Variants in RHEX observed in about 807,000 individuals in gnomAD.
The protein encoded by RHEX is regulator of hemoglobinization and erythroid cell expansion protein.
In RHEX, 18 loss-of-function variants were observed where a neutral mutation model predicts 20.1. The observed-to-expected ratio is 0.90, with a 90% CI of 0.62 to 1.33. The LOEUF (loss-of-function observed/expected upper bound fraction) is 1.33, where lower values mean the gene tolerates loss of function less well. RHEX is among the 40% of genes most tolerant of loss of function. The probability of loss-of-function intolerance (pLI) is 0.00; values close to 1 mark genes in which losing one functional copy is unlikely to be tolerated. For synonymous variants in RHEX, 87 were observed against 77.1 expected (o/e 1.13, Z -0.67); for missense variants, 192 against 214.3 (o/e 0.90, Z 0.65).
rs782284491 is a variant in RHEX at position 206,059,228 on chromosome 1, G to A, written c.-97+5963G>A. On this transcript the variant is annotated intron_variant, in intron 1 of 5. Transcript: ENST00000331555. ...CTGGCACCATGGGCACTGGAAAGGTGTGGTTTCCAAGACCCCTTCCTACCC... is the reference window on the plus strand; with the variant it reads ...CTGGCACCATGGGCACTGGAAAGGTATGGTTTCCAAGACCCCTTCCTACCC... Among the ~76,000 whole-genome samples, 208 of 152,274 alleles carry A rather than the reference G, an allele frequency of 1.4e-3. 7 individuals carry two copies. The highest frequency in any genetic ancestry group is 0.01 in the Middle Eastern group (3 of 294).
rs1442856776 is a variant in RHEX at position 206,058,253 on chromosome 1, T to TA, written c.-97+4989dup. Among the ~76,000 whole-genome samples, 10 of 152,108 alleles carry TA rather than the reference T, an allele frequency of 6.6e-5. No homozygotes were observed. In the East Asian group the frequency reaches 2.0e-3, roughly 30 times the overall value. ...ACCTGCTTACTGCTCCCTTGTCTGATACCTGTATTTCTCCAAATGATAAAA... is the reference window on the plus strand; with the variant it reads ...ACCTGCTTACTGCTCCCTTGTCTGATAACCTGTATTTCTCCAAATGATAAAA... On this transcript the variant is annotated intron_variant, in intron 1 of 5. Transcript: ENST00000331555.
intron 1 of RHEX, among the ~76,000 whole-genome samples, chr1:206,080,665 C>T (rs782074153): frequency 3.3e-5 from 5 of 152,094 alleles, no homozygotes; most frequent in Non-Finnish European, 7.3e-5. Flanking sequence ...ATCCTACCCT[C>T]GGGGCAGGAG....
chr1:206,078,002 C>T (rs1662667220), intron 1 of RHEX, among the ~76,000 whole-genome samples: 1 of 152,134 alleles, frequency 6.6e-6, no homozygotes, highest in South Asian at 2.1e-4. Context: ...TCTGAGGTTT[C>T]GCTGTACACA....
chr1:206,059,094 A>G (rs147135090), intron 1 of RHEX, among the ~76,000 whole-genome samples: 6 of 152,112 alleles, frequency 3.9e-5, no homozygotes, highest in Non-Finnish European at 8.8e-5. Context: ...CCAGCTGGAG[A>G]CCCAAGTTCC....
intron 1 of RHEX, among the ~76,000 whole-genome samples, chr1:206,065,889 G>A (rs781965794): frequency 3.9e-5 from 6 of 152,332 alleles, no homozygotes; most frequent in African/African-American, 7.2e-5. Context: ...CCCAATCATC[G>A]GTTTTTCAGT....
intron 1 of RHEX, among the ~76,000 whole-genome samples, chr1:206,066,825 A>G (rs1334575394): frequency 6.6e-6 from 1 of 152,236 alleles, no homozygotes; most frequent in Non-Finnish European, 1.5e-5. Context: ...TATGTTACAT[A>G]TGACCCATAT....
At chr1:206,086,548 T>C (rs902136605) in intron 1 of RHEX, among the ~76,000 whole-genome samples, 2 of 152,228 alleles carry the variant, frequency 1.3e-5, no homozygotes, top group African/African-American at 4.8e-5. Context: ...GTCTGAATTA[T>C]GTCCCCTCCA....
intron 1 of RHEX, among the ~76,000 whole-genome samples, chr1:206,058,356 C>T (rs1476512061): frequency 6.6e-5 from 10 of 152,232 alleles, no homozygotes; most frequent in East Asian, 3.9e-4. Context: ...ATCTATTGCA[C>T]GAAAATACAT....
At chr1:206,064,044 G>A (rs1161960259) in intron 1 of RHEX, among the ~76,000 whole-genome samples, 9 of 141,834 alleles carry the variant, frequency 6.3e-5, no homozygotes, top group African/African-American at 1.6e-4. Flanking sequence ...TTGCCCCGCC[G>A]CCCCGTCTGG....
At chr1:206,081,627 C>T (rs1347687907) in intron 1 of RHEX, among the ~76,000 whole-genome samples, 1 of 152,164 alleles carries the variant, frequency 6.6e-6, no homozygotes, top group East Asian at 1.9e-4. Context: ...GAATCATTAT[C>T]TCTGATACAT....
chr1:206,082,005 C>G (rs1279993654), intron 1 of RHEX, among the ~76,000 whole-genome samples: 1 of 152,120 alleles, frequency 6.6e-6, no homozygotes, highest in Non-Finnish European at 1.5e-5. Context: ...GGTGGAGAGC[C>G]CAGTTAGGAA....
intron 1 of RHEX, among the ~76,000 whole-genome samples, chr1:206,057,268 G>A (rs1388767628): frequency 3.3e-5 from 5 of 152,242 alleles, no homozygotes; most frequent in African/African-American, 7.2e-5. Context: ...GAGATCAATG[G>A]CCATGGGAAG....
intron 1 of RHEX, among the ~76,000 whole-genome samples, chr1:206,060,074 A>G (rs1553283157): frequency 1.3e-5 from 2 of 152,290 alleles, no homozygotes; most frequent in East Asian, 3.9e-4. Context: ...AGGCAGCAGA[A>G]TATACTGTGT....
Position 206,062,187 on chromosome 1 carries a change from C to A in RHEX, c.-97+8922C>A, listed in dbSNP as rs538769573. The A allele has an allele frequency of 4.7e-4, 71 of 152,272 alleles. No individual in the cohort carries two copies. The East Asian group carries it at 0.011, about 23-fold the overall frequency. The allele number at this position is 152,272 out of a possible 1,614,324, so 9.4% of individuals were successfully genotyped here. A position where few individuals can be genotyped will look rare whatever the true frequency, so the allele number is the denominator to read the frequency against. On this transcript the variant is annotated intron_variant, in intron 1 of 5. Coordinates refer to ENST00000331555, the MANE Select transcript of RHEX (RefSeq NM_001007544.4). ...ATCACACCGCTGCACTCCAGCCTGG[C>A]AACAGAGTGAGACTCCATCTCTAAA...
At position 206,066,991 on chromosome 1, in the gene RHEX, C is replaced by T. The variant is rs1571856735; in HGVS notation, c.-97+13726C>T. The stretch of plus-strand genomic sequence containing the variant: ...ATCAGGACAGGACGGAATTCTTTGT[C>T]AGGCCGCTCAGTTTTCATGGTGAAC... On this transcript the variant is annotated intron_variant, in intron 1 of 5. Coordinates refer to ENST00000331555, the MANE Select transcript of RHEX (RefSeq NM_001007544.4). Among the ~76,000 whole-genome samples the T allele has an allele frequency of 3.3e-5, 5 of 152,292 alleles. No individual in the cohort carries two copies. In the South Asian group the frequency reaches 1.0e-3, roughly 32 times the overall value.
intron 1 of RHEX, among the ~76,000 whole-genome samples, chr1:206,086,519 C>G (rs1161027345): frequency 6.6e-6 from 1 of 152,160 alleles, no homozygotes; most frequent in Non-Finnish European, 1.5e-5. Flanking sequence ...GGTGAAGGCT[C>G]TGGCCTCAAA....
intron 1 of RHEX, among the ~76,000 whole-genome samples, chr1:206,063,834 C>T (rs1291292661): frequency 1.3e-5 from 2 of 151,884 alleles, no homozygotes; most frequent in East Asian, 1.9e-4. Flanking sequence ...AAGTGAGGAG[C>T]GTCTCTGCCT....
Position 206,101,742 on chromosome 1 carries a change from T to C in RHEX, c.319-10T>C. On this transcript the variant is annotated splice_polypyrimidine_tract_variant and intron_variant, in intron 5 of 5. Coordinates refer to ENST00000331555, the MANE Select transcript of RHEX (RefSeq NM_001007544.4). ...GATCTTGACCCACATGTCTCTGCTT[T>C]TCTCCTAAGGCCACAGAGGATGTGG... The C allele has an allele frequency of 6.2e-7, 1 of 1,608,638 alleles. No homozygotes were observed. Among genetic ancestry groups the C allele is most frequent in the Admixed American group, 1.7e-5 (1 of 59,560 alleles).
In RHEX at chr1:206,064,817, G is replaced by T. The variant is rs1025394624; in HGVS notation, c.-97+11552G>T. Among the ~76,000 whole-genome samples, 6 of 152,100 alleles carry T rather than the reference G, an allele frequency of 3.9e-5. No homozygotes were observed. In the East Asian group the frequency reaches 1.2e-3, roughly 29 times the overall value. ...GAGAACGGGCCAGGATGACAATGGC[G>T]GCTTTGTGGAATAGAGAGTGGGGAA... is the stretch of plus-strand genomic sequence containing the variant. On this transcript the variant is annotated intron_variant, in intron 1 of 5. Transcript: ENST00000331555.
Sources: allele counts gnomAD v4.1 joint callset (sites outside exome capture counted in the v4.1 genomes callset), GRCh38; gene constraint gnomAD v4.1.1; transcripts MANE v1.5; gene names NCBI Gene and HGNC (gene_info 2026-07-23, HGNC 2026-07-21).